RSF1: variants seen among roughly 807,000 people sequenced by gnomAD.
RSF1 encodes the protein HBV pX-associated protein 8.
A neutral mutation model predicts 145.2 loss-of-function variants in RSF1; 13 were observed. The observed-to-expected ratio is 0.09, with a 90% CI of 0.06 to 0.14. The LOEUF is 0.14. Among genes scored for constraint, RSF1 ranks in the 10% least tolerant of loss-of-function variants. RSF1 has a pLI of 1.00. For missense variants in RSF1, 1,517 were observed against 1,718.2 expected, an observed-to-expected ratio of 0.88 and a Z score of 2.07; for synonymous variants, 577 against 592.6, an observed-to-expected ratio of 0.97 and a Z score of 0.38.
chr11:77,718,879 T>C (rs148349856), intron 5 of RSF1, among the ~76,000 whole-genome samples: 335 of 152,358 alleles, frequency 2.2e-3, no homozygotes, highest in African/African-American at 7.2e-3. Flanking sequence ...TTTTGCCACA[T>C]AGAACTTAAG....
intron 1 of RSF1, among the ~76,000 whole-genome samples, chr11:77,770,032 T>G (rs1401249597): frequency 6.6e-6 from 1 of 152,232 alleles, no homozygotes; most frequent in African/African-American, 2.4e-5. Flanking sequence ...ACAGGCCACT[T>G]CATCCTTGAA....
chr11:77,661,532 C>T lies in RSF1; in HGVS notation c.*5385G>A, dbSNP rs1203131171. The T allele has an allele frequency of 6.6e-6, 1 of 151,848 alleles. No homozygotes were observed. The highest frequency in any genetic ancestry group is 1.5e-5 in the Non-Finnish European group (1 of 67,972). The allele number at this position is 151,848 out of a possible 1,614,324, so 9.4% of individuals were successfully genotyped here. A position where few individuals can be genotyped will look rare whatever the true frequency, so the allele number is the denominator to read the frequency against. On this transcript the variant is annotated 3_prime_UTR_variant, in exon 16 of 16. Transcript: ENST00000308488. The stretch of plus-strand genomic sequence containing the variant: ...TTACTCTAATTTCAAGGCTTGTCCA[C>T]ATAGCAGTTGACATGCACCAATTCT...
Position 77,725,536 on chromosome 11 carries a change from A to C in RSF1, c.733+9T>G, listed in dbSNP as rs183295662. On this transcript the variant is annotated intron_variant, in intron 5 of 15. Coordinates refer to ENST00000308488, the MANE Select transcript of RSF1 (RefSeq NM_016578.4). ...AAAACAAAGCAAAACAAAACACACA[A>C]AAAAAAACCTTGTTTAGGTGTTTCT... 6.5e-5 allele frequency: 100 copies of C among 1,534,486 alleles called. No individual in the cohort carries two copies. Among genetic ancestry groups the C allele is most frequent in the Middle Eastern group, 1.7e-4 (1 of 5,848 alleles).
At chr11:77,771,464 A>G (rs1948285060) in intron 1 of RSF1, among the ~76,000 whole-genome samples, 1 of 152,354 alleles carries the variant, frequency 6.6e-6, no homozygotes, top group African/African-American at 2.4e-5. Context: ...TGTGGCTAGA[A>G]AATGATACAA....
At chr11:77,776,241 A>G (rs1948341227) in intron 1 of RSF1, among the ~76,000 whole-genome samples, 1 of 152,162 alleles carries the variant, frequency 6.6e-6, no homozygotes, top group Non-Finnish European at 1.5e-5. Context: ...AAAACGGGGA[A>G]AAAACCTTCA....
chr11:77,791,390 T>A (rs989084798), intron 1 of RSF1, among the ~76,000 whole-genome samples: 1 of 152,190 alleles, frequency 6.6e-6, no homozygotes. Flanking sequence ...TGGGATGCCG[T>A]GAAGACCTCC....
chr11:77,820,430 G>T (rs904369405), intron 1 of RSF1, 98 bp downstream of exon 1: 1 of 1,274,344 alleles, frequency 7.8e-7, no homozygotes, highest in Non-Finnish European at 1.1e-6. Context: ...ACAGAGCCGC[G>T]GAGGCCCGAG....
At chr11:77,709,036 T>C (rs1960617417) in intron 5 of RSF1, among the ~76,000 whole-genome samples, 1 of 152,226 alleles carries the variant, frequency 6.6e-6, no homozygotes, top group Admixed American at 6.5e-5. Flanking sequence ...ATTTGGAAGA[T>C]AAACCCTGGT....
At chr11:77,741,881 T>C (rs1426712090) in intron 3 of RSF1, among the ~76,000 whole-genome samples, 3 of 152,220 alleles carry the variant, frequency 2.0e-5, no homozygotes, top group Non-Finnish European at 4.4e-5. Context: ...TAATCACCAA[T>C]CTACTGTGAT....
Position 77,661,893 on chromosome 11 carries a change from C to G in RSF1, c.*5024G>C, listed in dbSNP as rs1959240429. 6.6e-6 allele frequency: 1 copy of G among 151,626 alleles called. No homozygotes were observed. Among genetic ancestry groups the G allele is most frequent in the Non-Finnish European group, 1.5e-5 (1 of 67,902 alleles). The allele number at this position is 151,626 out of a possible 1,614,324, so 9.4% of individuals were successfully genotyped here. ...GCAAGCTGCTGGTCTATGACCAGAA[C>G]TCAATAAATACAGATCAAACAAAAC... On this transcript the variant is annotated 3_prime_UTR_variant, in exon 16 of 16. Coordinates refer to ENST00000308488, the MANE Select transcript of RSF1 (RefSeq NM_016578.4).
intron 10 of RSF1, 42 bp downstream of exon 10, chr11:77,685,063 T>C: frequency 8.7e-7 from 1 of 1,152,514 alleles, no homozygotes; most frequent in Non-Finnish European, 1.2e-6. Context: ...AGAGCAATTA[T>C]GACAATCTCC....
chr11:77,772,515 T>C (rs143088525), intron 1 of RSF1, among the ~76,000 whole-genome samples: 1 of 152,168 alleles, frequency 6.6e-6, no homozygotes, highest in Non-Finnish European at 1.5e-5. Flanking sequence ...CACATATCAC[T>C]TAAAAACCTG....
intron 10 of RSF1, 55 bp from the exon 11 acceptor site, chr11:77,683,874 C>T: frequency 7.3e-7 from 1 of 1,370,840 alleles, no homozygotes; most frequent in East Asian, 2.3e-5. Context: ...AACAAAGTTC[C>T]TTGGGATAAA....
intron 4 of RSF1, among the ~76,000 whole-genome samples, chr11:77,731,086 G>A (rs1279660624): frequency 6.6e-6 from 1 of 152,174 alleles, no homozygotes; most frequent in Admixed American, 6.5e-5. Flanking sequence ...GGAAAGTTTG[G>A]AACTTCCTAG....
At chr11:77,777,321 G>C (rs1695512935) in intron 1 of RSF1, among the ~76,000 whole-genome samples, 1 of 152,290 alleles carries the variant, frequency 6.6e-6, no homozygotes, top group Non-Finnish European at 1.5e-5. Context: ...GCCAGGCGAG[G>C]TGGCTCAGGC....
In RSF1 at chr11:77,769,322, AATTT is replaced by A. The variant is rs770679177; in HGVS notation, c.188-4637_188-4634del. Among the ~76,000 whole-genome samples, 44 of 152,310 alleles carry A rather than the reference AATTT, an allele frequency of 2.9e-4. 1 individual carries two copies. Among genetic ancestry groups the A allele is most frequent in the Admixed American group, 1.2e-3 (18 of 15,296 alleles). ...TTTTCTAAAACACTGACAAGCTCTA[AATTT>A]ATTTATCACCTGCAAGATTTCTAAA... On this transcript the variant is annotated intron_variant, in intron 1 of 15. Coordinates refer to ENST00000308488, the MANE Select transcript of RSF1 (RefSeq NM_016578.4).
At chr11:77,756,879 C>A (rs1001600499) in intron 2 of RSF1, among the ~76,000 whole-genome samples, 5 of 152,152 alleles carry the variant, frequency 3.3e-5, no homozygotes, top group African/African-American at 1.2e-4. Flanking sequence ...ACAGTCTCTG[C>A]TCCAAGAATT....
Position 77,820,662 on chromosome 11 carries a change from C to G in RSF1, c.53G>C (p.Gly18Ala), listed in dbSNP as rs761966286. ...AAVMAPPGCP[G>A]SCPNFAVVCS... ...GACTACGGCGAAGTTGGGGCACGAA[C>G]CCGGGCAGCCCGGAGGAGCCATCAC... Residue 18 changes from glycine (G) to alanine (A), a missense_variant, in exon 1 of 16, where the codon GGT becomes GCT. This residue lies in a region of RSF1 where 85 missense variants were observed against 91.8 expected (regional missense o/e 0.93). Coordinates refer to ENST00000308488, the MANE Select transcript of RSF1 (RefSeq NM_016578.4). 7 of 1,556,912 alleles carry G rather than the reference C, an allele frequency of 4.5e-6. No individual in the cohort carries two copies. The South Asian group carries it at 8.3e-5, about 18-fold the overall frequency.
intron 15 of RSF1, among the ~76,000 whole-genome samples, chr11:77,669,127 C>T (rs1411328388): frequency 1.3e-5 from 2 of 152,184 alleles, no homozygotes; most frequent in Non-Finnish European, 2.9e-5. Flanking sequence ...ATCCTTGATT[C>T]TTTTCTTTCT....
Sources: allele counts gnomAD v4.1 joint callset (sites outside exome capture counted in the v4.1 genomes callset), GRCh38; gene constraint gnomAD v4.1.1; regional missense constraint gnomAD v4.1.1; transcripts MANE v1.5; gene names NCBI Gene and HGNC (gene_info 2026-07-23, HGNC 2026-07-21).